ANK2: variants seen among roughly 807,000 people sequenced by gnomAD.
The protein encoded by ANK2 is ankyrin-2.
ANK2 carries 83 observed loss-of-function variants against 360.5 expected under a neutral mutation model. That is an observed-to-expected ratio of 0.23 (90% confidence interval 0.19 to 0.28). ANK2 has a LOEUF of 0.28. Among genes scored for constraint, ANK2 ranks in the 10% least tolerant of loss-of-function variants. ANK2 has a pLI of 1.00. For synonymous variants in ANK2, 1,740 were observed against 1,759.5 expected, an observed-to-expected ratio of 0.99 and a Z score of 0.28; for missense variants, 4,201 against 4,795.7, an observed-to-expected ratio of 0.88 and a Z score of 3.66.
intron 2 of ANK2, among the ~76,000 whole-genome samples, chr4:113,036,118 G>T (rs530256882): frequency 1.7e-4 from 26 of 151,928 alleles, no homozygotes; most frequent in Admixed American, 1.4e-3. Context: ...AAAGGGAATT[G>T]AAAACGAAGA....
At chr4:112,891,297 A>G (rs1446467171) in intron 1 of ANK2, among the ~76,000 whole-genome samples, 1 of 152,204 alleles carries the variant, frequency 6.6e-6, no homozygotes, top group Non-Finnish European at 1.5e-5. Flanking sequence ...GAATTTGTTT[A>G]TCTGCTTACA....
chr4:113,337,930 C>A (rs1044844615), intron 31 of ANK2, among the ~76,000 whole-genome samples: 4 of 152,148 alleles, frequency 2.6e-5, no homozygotes, highest in African/African-American at 9.7e-5. Flanking sequence ...ATACGCTCTG[C>A]CCTTATAGTG....
chr4:113,247,105 T>A (rs139572650), intron 9 of ANK2, among the ~76,000 whole-genome samples: 39 of 150,168 alleles, frequency 2.6e-4, no homozygotes, highest in African/African-American at 9.5e-4. Flanking sequence ...TCTACCTTTA[T>A]GAAAATTATC....
At chr4:113,072,574 G>T (rs570358541) in intron 1 of ANK2, among the ~76,000 whole-genome samples, 1 of 152,330 alleles carries the variant, frequency 6.6e-6, no homozygotes, top group East Asian at 1.9e-4. Context: ...ACAGGCAGAG[G>T]TTTGGGTAGG....
At chr4:112,953,313 A>C (rs1358309227) in intron 2 of ANK2, among the ~76,000 whole-genome samples, 1 of 152,256 alleles carries the variant, frequency 6.6e-6, no homozygotes, top group Non-Finnish European at 1.5e-5. Flanking sequence ...TATAGCTTGA[A>C]TATTGTAAAA....
At chr4:113,036,519 A>G (rs1185400373) in intron 2 of ANK2, among the ~76,000 whole-genome samples, 1 of 151,780 alleles carries the variant, frequency 6.6e-6, no homozygotes, top group Admixed American at 6.6e-5. Context: ...GACTACAGAT[A>G]ATCTTCCAAA....
chr4:113,176,382 A>T (rs1010814113), intron 2 of ANK2, among the ~76,000 whole-genome samples: 2 of 152,156 alleles, frequency 1.3e-5, no homozygotes, highest in Non-Finnish European at 2.9e-5. Flanking sequence ...ATAAACCCAA[A>T]TTACTGTATT....
intron 1 of ANK2, among the ~76,000 whole-genome samples, chr4:113,054,675 T>G (rs2068719479): frequency 1.3e-5 from 2 of 152,170 alleles, no homozygotes; most frequent in Admixed American, 1.3e-4. Context: ...CCATTTGCCC[T>G]TTATAAAATA....
intron 1 of ANK2, among the ~76,000 whole-genome samples, chr4:112,843,632 C>G (rs560636723): frequency 9.2e-5 from 14 of 152,234 alleles, no homozygotes; most frequent in East Asian, 7.7e-4. Context: ...GGAAAAAATG[C>G]AATTTTTCCC....
At chr4:112,723,969 A>G in the ANK2 span, among the ~76,000 whole-genome samples, 1 of 152,200 alleles carries the variant, frequency 6.6e-6, no homozygotes, top group Non-Finnish European at 1.5e-5. Flanking sequence ...TAAAACATTA[A>G]AGGGAATCTG....
chr4:113,280,177 G>T (rs2061737535), intron 17 of ANK2, among the ~76,000 whole-genome samples: 1 of 152,050 alleles, frequency 6.6e-6, no homozygotes, highest in Non-Finnish European at 1.5e-5. Context: ...AATGTGCAAA[G>T]AAAGGATTAT....
chr4:113,299,820 G>C (rs1343938369), intron 22 of ANK2, among the ~76,000 whole-genome samples: 1 of 151,748 alleles, frequency 6.6e-6, no homozygotes, highest in Non-Finnish European at 1.5e-5. Flanking sequence ...ACAGGAAAAT[G>C]AATCTCAAAT....
the ANK2 span, chr4:112,738,977 A>T: frequency 1.4e-6 from 1 of 702,398 alleles, no homozygotes. Flanking sequence ...GCTGATGTGC[A>T]ACAAATCTTA....
rs189565563 is a variant in ANK2 at position 113,290,984 on chromosome 4, G to A, written c.2278-1432G>A. On this transcript the variant is annotated intron_variant, in intron 20 of 45. Transcript: ENST00000357077. ...AAAGGTTAGATTAAATCAGGGCTGG[G>A]GAACATTTTTGTGGCCACAATGTCC... 7.8e-4 allele frequency among the ~76,000 whole-genome samples: 119 copies of A among 152,276 alleles called. 1 individual carries two copies. The East Asian group carries it at 0.019, about 24-fold the overall frequency.
chr4:112,821,998 G>C (rs1271074495), intron 1 of ANK2, among the ~76,000 whole-genome samples: 3 of 151,842 alleles, frequency 2.0e-5, no homozygotes, highest in East Asian at 1.9e-4. Flanking sequence ...GAACTCCTGG[G>C]CTCAAGCGAT....
the ANK2 span, among the ~76,000 whole-genome samples, chr4:112,732,761 A>G: frequency 0.14 from 21,408 of 152,170 alleles, 2,271 homozygotes; most frequent in East Asian, 0.49. Context: ...GACTAGAAAG[A>G]GCATGAATCT....
At chr4:112,744,584 A>T in the ANK2 span, among the ~76,000 whole-genome samples, 1 of 152,022 alleles carries the variant, frequency 6.6e-6, no homozygotes, top group East Asian at 1.9e-4. Context: ...TCCTAACCTC[A>T]GGTGATCCAC....
intron 20 of ANK2, among the ~76,000 whole-genome samples, chr4:113,291,315 G>A (rs573729948): frequency 6.6e-6 from 1 of 152,294 alleles, no homozygotes; most frequent in South Asian, 2.1e-4. Flanking sequence ...TGATTTGACC[G>A]CAGAGTCCCT....
In ANK2 at chr4:113,333,043, T is replaced by C; in HGVS notation, c.3225-11T>C. ...CCTGTCCACACTGAATGTTCTGCAT[T>C]GCTATGTCAGGCCTGTGATCGTGGA... On this transcript the variant is annotated splice_polypyrimidine_tract_variant and intron_variant, in intron 28 of 45. Coordinates refer to ENST00000357077, the MANE Select transcript of ANK2 (RefSeq NM_001148.6). The C allele has an allele frequency of 6.2e-7, 1 of 1,614,182 alleles. No individual in the cohort carries two copies. The highest frequency in any genetic ancestry group is 8.5e-7 in the Non-Finnish European group (1 of 1,180,028).
Sources: gnomAD v4.1 joint callset for allele counts (sites outside exome capture counted in the v4.1 genomes callset) on GRCh38, gnomAD v4.1.1 for gene constraint, MANE v1.5 for transcripts, NCBI Gene and HGNC (gene_info 2026-07-23, HGNC 2026-07-21) for gene names.